Variants in EDARADD observed in about 807,000 individuals in gnomAD.
EDARADD encodes the protein ectodysplasin-A receptor-associated adapter protein.
In EDARADD, 20 loss-of-function variants were observed where a neutral mutation model predicts 25.6. The observed-to-expected ratio is 0.78, with a 90% confidence interval of 0.55 to 1.14. The LOEUF (loss-of-function observed/expected upper bound fraction) is 1.14, where lower values mean the gene tolerates loss of function less well. EDARADD is among the 50% of genes most tolerant of loss of function. The probability of loss-of-function intolerance (pLI) is 0.00; values close to 1 mark genes in which losing one functional copy is unlikely to be tolerated. For synonymous variants in EDARADD, 86 were observed against 94.4 expected (o/e 0.91, Z 0.52); for missense variants, 225 against 270.1 (o/e 0.83, Z 1.17).
intron 4 of EDARADD, among the ~76,000 whole-genome samples, chr1:236,428,981 C>T (rs556043956): frequency 3.0e-4 from 46 of 152,232 alleles, no homozygotes; most frequent in African/African-American, 9.1e-4. Context: ...CAAAAAAATA[C>T]GAAAACCAGT....
chr1:236,403,583 A>G (rs1667655237), intron 1 of EDARADD, among the ~76,000 whole-genome samples: 1 of 152,176 alleles, frequency 6.6e-6, no homozygotes, highest in South Asian at 2.1e-4. Context: ...CACCACGCCC[A>G]GCCTAGAGCT....
rs143307889 is a variant in EDARADD, at chr1:236,368,666, C to T, written c.-6+17827C>T. Among the ~76,000 whole-genome samples the T allele has an allele frequency of 9.1e-3, 1,379 of 152,216 alleles. 28 individuals carry two copies. The highest frequency in any genetic ancestry group is 0.032 in the African/African-American group (1,322 of 41,536). On this transcript the variant is annotated intron_variant, in intron 3 of 7. Coordinates refer to the EDARADD transcript ENST00000439430. ...TGTTGGTCAGGCTGGTCTCGAACTC[C>T]TGACCTCAGGTGATCCATCCACCTC...
intron 3 of EDARADD, among the ~76,000 whole-genome samples, chr1:236,359,325 A>C (rs1314461256): frequency 6.6e-6 from 1 of 152,232 alleles, no homozygotes; most frequent in Admixed American, 6.5e-5. Context: ...TAGGGAGGTC[A>C]TGAGGGCTCT....
rs1029449574 is a variant in EDARADD, at chr1:236,450,364, A to AT, written c.220-17858dup. ...TCTTTTTTCCCTTTGCATGGGTATAATTTTTTTTTGTATAGTTATAGTCAC... is the reference window on the plus strand; with the variant it reads ...TCTTTTTTCCCTTTGCATGGGTATAATTTTTTTTTTGTATAGTTATAGTCAC... On this transcript the variant is annotated intron_variant, in intron 4 of 5. Transcript: ENST00000334232. Among the ~76,000 whole-genome samples the AT allele has an allele frequency of 1.8e-4, 27 of 151,610 alleles. 1 individual carries two copies. Among genetic ancestry groups the AT allele is most frequent in the South Asian group, 1.7e-3 (8 of 4,786 alleles).
chr1:236,483,832 G>T lies in EDARADD; in HGVS notation c.*1183G>T, dbSNP rs1451333300. On this transcript the variant is annotated 3_prime_UTR_variant, in exon 6 of 6. Transcript: ENST00000334232. ...CCCAACATCCTGGAGAATAAAGAAG[G>T]CCTGGAGCTGCTGAAGACTGCGATT... 7.0e-7 allele frequency: 1 copy of T among 1,431,258 alleles called. No individual in the cohort carries two copies. 88.7% of individuals were successfully genotyped at this position (1,431,258 alleles called of 1,614,324 possible).
At chr1:236,406,571 T>A (rs624052) in intron 1 of EDARADD, among the ~76,000 whole-genome samples, 92,867 of 151,994 alleles carry the variant, frequency 0.61, 29,425 homozygotes, top group Non-Finnish European at 0.69. Flanking sequence ...GCTATTTGTG[T>A]GTCTAAACAT....
chr1:236,363,012 T>A (rs1459298597), intron 3 of EDARADD, among the ~76,000 whole-genome samples: 1,282 of 80,326 alleles, frequency 0.016, 16 homozygotes, highest in Non-Finnish European at 0.019. Context: ...AAAAAATATA[T>A]ATATATATAT....
intron 4 of EDARADD, among the ~76,000 whole-genome samples, chr1:236,455,969 T>C (rs1352544677): frequency 1.3e-5 from 2 of 152,190 alleles, no homozygotes; most frequent in Non-Finnish European, 2.9e-5. Context: ...TTTTGTATTT[T>C]TAGTAGAGAT....
chr1:236,386,445 C>A (rs1164272258), intron 3 of EDARADD, among the ~76,000 whole-genome samples: 4 of 26,210 alleles, frequency 1.5e-4, no homozygotes, highest in African/African-American at 4.1e-4. Flanking sequence ...TCCGCCCGGC[C>A]GCCATCCCAT....
At chr1:236,410,691 G>A (rs1657442682) in intron 2 of EDARADD, among the ~76,000 whole-genome samples, 1 of 152,196 alleles carries the variant, frequency 6.6e-6, no homozygotes, top group African/African-American at 2.4e-5. Context: ...CTCAGAGGAT[G>A]GGATCTACCA....
At chr1:236,389,017 C>A (rs1052087302) in intron 3 of EDARADD, among the ~76,000 whole-genome samples, 2 of 152,094 alleles carry the variant, frequency 1.3e-5, no homozygotes, top group African/African-American at 4.8e-5. Flanking sequence ...CAAAAAACTT[C>A]TCTAGCTGAA....
chr1:236,466,428 C>A (rs1488970706), intron 4 of EDARADD, among the ~76,000 whole-genome samples: 1 of 104,210 alleles, frequency 9.6e-6, no homozygotes, highest in Non-Finnish European at 2.0e-5. Flanking sequence ...CTCTCACTCT[C>A]TCTCTCTGAT....
intron 4 of EDARADD, among the ~76,000 whole-genome samples, chr1:236,436,655 T>G (rs534703196): frequency 5.0e-4 from 74 of 149,388 alleles, no homozygotes; most frequent in African/African-American, 1.5e-3. Context: ...GTAAGAACCT[T>G]AACTCTTTTT....
rs1445773864 is a variant in EDARADD at position 236,398,131 on chromosome 1, T to C, written c.61+3626T>C. On this transcript the variant is annotated intron_variant, in intron 1 of 5. Coordinates refer to ENST00000334232, the MANE Select transcript of EDARADD (RefSeq NM_145861.4). This position sits in a 1 kb window ranked among gnomAD's most constrained non-coding sequence, Gnocchi z 4.1. ...GCCATCTTTTATTTTATTTTTATTA[T>C]TATTATTTTTCAAGATGGAGTCTCA... is the stretch of plus-strand genomic sequence containing the variant. Among the ~76,000 whole-genome samples the C allele has an allele frequency of 6.6e-6, 1 of 152,154 alleles. No homozygotes were observed. Among genetic ancestry groups the C allele is most frequent in the Non-Finnish European group, 1.5e-5 (1 of 68,022 alleles).
intron 4 of EDARADD, among the ~76,000 whole-genome samples, chr1:236,467,511 C>CA (rs1659238504): frequency 6.6e-6 from 1 of 151,748 alleles, no homozygotes; most frequent in Admixed American, 6.6e-5. Context: ...TAGCATGATC[C>CA]TGATTGTAAA....
intron 3 of EDARADD, among the ~76,000 whole-genome samples, chr1:236,417,296 G>A (rs581722): frequency 0.48 from 73,665 of 152,086 alleles, 18,988 homozygotes; most frequent in Non-Finnish European, 0.59. Flanking sequence ...TTTACTAGAA[G>A]CATCATTTGT....
intron 4 of EDARADD, among the ~76,000 whole-genome samples, chr1:236,442,818 G>A (rs1234808728): frequency 6.6e-6 from 1 of 152,224 alleles, no homozygotes; most frequent in African/African-American, 2.4e-5. Context: ...AATTAATGTT[G>A]TTTTCATGCC....
At chr1:236,403,368 AC>A (rs1214532207) in intron 1 of EDARADD, among the ~76,000 whole-genome samples, 3 of 151,604 alleles carry the variant, frequency 2.0e-5, no homozygotes, top group African/African-American at 7.3e-5. Flanking sequence ...ACTCACTGCA[AC>A]CTCCGCCTTC....
chr1:236,432,362 C>T (rs1403889628), intron 4 of EDARADD, among the ~76,000 whole-genome samples: 1 of 149,418 alleles, frequency 6.7e-6, no homozygotes, highest in Non-Finnish European at 1.5e-5. Context: ...GCACTTCAGC[C>T]TGGGAGATAG....
Sources: allele counts gnomAD v4.1 joint callset (sites outside exome capture counted in the v4.1 genomes callset), GRCh38; gene constraint gnomAD v4.1.1; non-coding constraint Gnocchi (gnomAD v3.1); transcripts MANE v1.5; gene names NCBI Gene and HGNC (gene_info 2026-07-23, HGNC 2026-07-21).